Variants in KALRN observed in about 807,000 individuals in gnomAD.
The protein encoded by KALRN is kalirin RhoGEF kinase, also known as kalirin.
A neutral mutation model predicts 353.7 loss-of-function variants in KALRN; 70 were observed. The ratio of observed to expected loss-of-function variants is 0.20; its 90% confidence interval spans 0.16 to 0.24. The LOEUF is 0.24. Among genes scored for constraint, KALRN ranks in the 10% least tolerant of loss-of-function variants. The probability of loss-of-function intolerance (pLI) is 1.00; values close to 1 mark genes in which losing one functional copy is unlikely to be tolerated. For synonymous variants in KALRN, 1,391 were observed against 1,434.8 expected, an observed-to-expected ratio of 0.97 and a Z score of 0.69; for missense variants, 2,791 against 3,756.7, an observed-to-expected ratio of 0.74 and a Z score of 6.72.
chr3:124,697,822 A>G, intron 55 of KALRN, 98 bp downstream of exon 55: 1 of 1,254,744 alleles, frequency 8.0e-7, no homozygotes, highest in East Asian at 2.7e-5. Context: ...TACCATGCTA[A>G]CCATTTTTTC....
rs1488495343 is a variant in KALRN, at chr3:124,033,734, C to T, written c.-7C>T. Among the ~76,000 whole-genome samples, 3 of 152,102 alleles carry T rather than the reference C, an allele frequency of 2.0e-5. No homozygotes were observed. Among genetic ancestry groups the T allele is most frequent in the Non-Finnish European group, 2.9e-5 (2 of 68,008 alleles). ...TCCCGGCTGCCCGCGGACGCCCTCCCACAGTCATGAACCCCCCTGAGGGAG... is the reference window on the plus strand; with the variant it reads ...TCCCGGCTGCCCGCGGACGCCCTCCTACAGTCATGAACCCCCCTGAGGGAG... On this transcript the variant is annotated 5_prime_UTR_variant, in exon 1 of 60. Transcript: ENST00000682506. This position sits in a 1 kb window ranked among gnomAD's most constrained non-coding sequence, Gnocchi z 6.2.
At chr3:124,356,494 C>T (rs1320903894) in intron 10 of KALRN, among the ~76,000 whole-genome samples, 1 of 151,900 alleles carries the variant, frequency 6.6e-6, no homozygotes, top group Non-Finnish European at 1.5e-5. Context: ...CCACCACACT[C>T]AGCTAATTTT....
intron 33 of KALRN, among the ~76,000 whole-genome samples, chr3:124,541,790 G>A (rs2069062169): frequency 6.6e-6 from 1 of 152,096 alleles, no homozygotes. Flanking sequence ...TACTCGGGAG[G>A]CTGAGGCAGG....
intron 5 of KALRN, among the ~76,000 whole-genome samples, chr3:124,279,696 G>A (rs1361322730): frequency 3.3e-5 from 5 of 152,228 alleles, no homozygotes; most frequent in African/African-American, 9.6e-5. Flanking sequence ...AACACTTGCT[G>A]AAGATAAGCC....
rs536636374 is a variant in KALRN, at chr3:124,153,102, T to A, written c.74-74888T>A. On this transcript the variant is annotated intron_variant, in intron 1 of 59. Transcript: ENST00000682506. ...ATTCTTTTTTAATTTTTAAATTTTT[T>A]AATTTTAATTTTTATTTTTTTATTA... The A allele has an allele frequency of 1.1e-3, 167 of 156,526 alleles. 1 individual carries two copies. The highest frequency in any genetic ancestry group is 3.6e-3 in the African/African-American group (149 of 41,612). 9.7% of individuals were successfully genotyped at this position (156,526 alleles called of 1,614,324 possible).
chr3:124,557,537 A>G (rs910631880), intron 33 of KALRN, among the ~76,000 whole-genome samples: 11 of 152,160 alleles, frequency 7.2e-5, no homozygotes, highest in African/African-American at 2.4e-4. Flanking sequence ...TTTGCACAGG[A>G]GTTGGCAGGA....
chr3:124,366,834 C>G (rs1276893123), intron 10 of KALRN, among the ~76,000 whole-genome samples: 2 of 142,246 alleles, frequency 1.4e-5, no homozygotes, highest in Admixed American at 6.9e-5. Flanking sequence ...GGGCGGGGGT[C>G]TGACCCCCCC....
At chr3:124,613,975 C>G (rs935304589) in intron 34 of KALRN, among the ~76,000 whole-genome samples, 7 of 152,080 alleles carry the variant, frequency 4.6e-5, no homozygotes, top group African/African-American at 1.4e-4. Context: ...TTTATGTCTC[C>G]CCAAAAACCT....
chr3:124,686,966 C>T lies in KALRN; in HGVS notation c.7378-6838C>T, dbSNP rs556366588. 2.0e-5 allele frequency among the ~76,000 whole-genome samples: 3 copies of T among 151,884 alleles called. No individual in the cohort carries two copies. In the East Asian group the frequency reaches 5.8e-4, roughly 29 times the overall value. ...GAATATCTGGGACTACAGGCACGTG[C>T]CACCATGGCCAGCTAATTTTTAAAT... On this transcript the variant is annotated intron_variant, in intron 51 of 59. Coordinates refer to ENST00000682506, the MANE Select transcript of KALRN (RefSeq NM_001388419.1).
At position 124,446,296 on chromosome 3, in the gene KALRN, G is replaced by C; in HGVS notation, c.3429+20G>C. ...AAGCAGGTTGTCCAAAGCTTTCCCT[G>C]GCACTATCTCAGTTCTGGGGAGCAT... On this transcript the variant is annotated intron_variant, in intron 20 of 59. Coordinates refer to ENST00000682506, the MANE Select transcript of KALRN (RefSeq NM_001388419.1). 3 of 1,564,076 alleles carry C rather than the reference G, an allele frequency of 1.9e-6. No homozygotes were observed. The highest frequency in any genetic ancestry group is 1.1e-5 in the South Asian group (1 of 88,694).
At chr3:124,445,531 T>C (rs1213210685) in intron 19 of KALRN, among the ~76,000 whole-genome samples, 4 of 152,214 alleles carry the variant, frequency 2.6e-5, no homozygotes, top group Non-Finnish European at 5.9e-5. Flanking sequence ...TTTTAGCTTT[T>C]CTTATGATCA....
Position 124,646,391 on chromosome 3 carries a change from C to CTTTTTTTTTTTTTTTTTTTT in KALRN, c.5665-4400_5665-4399insTTTTTTTTTTTTTTTTTTTT, listed in dbSNP as rs10673161. ...GACTGCTAGAGGGATCTTTTGTTTA[C>CTTTTTTTTTTTTTTTTTTTT]TTTTTTTTTTTTTTTTTGAGACAGA... On this transcript the variant is annotated intron_variant, in intron 37 of 59. Coordinates refer to ENST00000682506, the MANE Select transcript of KALRN (RefSeq NM_001388419.1). Among the ~76,000 whole-genome samples the CTTTTTTTTTTTTTTTTTTTT allele has an allele frequency of 7.0e-3, 770 of 110,268 alleles. 76 individuals carry two copies. Among genetic ancestry groups the CTTTTTTTTTTTTTTTTTTTT allele is most frequent in the East Asian group, 0.042 (120 of 2,830 alleles). The allele number at this position is 110,268 out of a possible 152,430, so 72.3% of individuals were successfully genotyped here.
At chr3:124,616,073 A>G (rs1446309713) in intron 34 of KALRN, among the ~76,000 whole-genome samples, 1 of 152,178 alleles carries the variant, frequency 6.6e-6, no homozygotes, top group Non-Finnish European at 1.5e-5. Flanking sequence ...AAAAAAGGAC[A>G]CTGCAAACAA....
At chr3:124,451,105 T>C (rs942536730) in intron 21 of KALRN, among the ~76,000 whole-genome samples, 3 of 152,172 alleles carry the variant, frequency 2.0e-5, no homozygotes, top group Admixed American at 6.5e-5. Flanking sequence ...AAGGCAAATA[T>C]AGAAAATTAT....
At chr3:124,102,344 C>T (rs1020435887) in intron 1 of KALRN, among the ~76,000 whole-genome samples, 1 of 152,122 alleles carries the variant, frequency 6.6e-6, no homozygotes, top group Non-Finnish European at 1.5e-5. Context: ...CTTGTGCTTT[C>T]TCTTGAAATG....
At position 124,674,542 on chromosome 3, in the gene KALRN, G is replaced by A. The variant is rs1285550614; in HGVS notation, c.7121G>A (p.Gly2374Asp). The change falls in exon 49 of 60, where the codon GGC (glycine) becomes GAC (aspartate). Residue 2374 changes from glycine (G) to aspartate (D), a missense_variant. Transcript: ENST00000682506. ...PASDHSPAAE[G>D]WVPGSILAPL... is the part of the protein sequence containing the mutation. ...AGCGACCATTCCCCCGCCGCCGAGG[G>A]CTGGGTCCCAGGCAGCATCCTGGCG... 2 of 1,613,490 alleles carry A rather than the reference G, an allele frequency of 1.2e-6. No homozygotes were observed. Among genetic ancestry groups the A allele is most frequent in the Non-Finnish European group, 1.7e-6 (2 of 1,179,782 alleles).
intron 11 of KALRN, among the ~76,000 whole-genome samples, chr3:124,388,277 GAAGTTTCTTTA>G (rs1352293294): frequency 6.6e-5 from 10 of 152,146 alleles, no homozygotes; most frequent in Admixed American, 2.0e-4. Context: ...TTTAAAGTAG[GAAGTTTCTTTA>G]AAGTTTCTTT....
At chr3:124,174,480 C>T (rs1175568187) in intron 1 of KALRN, among the ~76,000 whole-genome samples, 1 of 152,220 alleles carries the variant, frequency 6.6e-6, no homozygotes, top group African/African-American at 2.4e-5. Flanking sequence ...GGCTCACTAG[C>T]TTGTCAGTTG....
intron 34 of KALRN, among the ~76,000 whole-genome samples, chr3:124,574,485 CAG>C (rs2073882507): frequency 6.9e-6 from 1 of 145,510 alleles, no homozygotes; most frequent in African/African-American, 2.6e-5. Flanking sequence ...GAGGGGAAGT[CAG>C]GGGCAAACTT....
Sources: gnomAD v4.1 joint callset for allele counts (sites outside exome capture counted in the v4.1 genomes callset) on GRCh38, gnomAD v4.1.1 for gene constraint, Gnocchi (gnomAD v3.1) non-coding constraint, MANE v1.5 for transcripts, NCBI Gene and HGNC (gene_info 2026-07-23, HGNC 2026-07-21) for gene names.